ZNF501: variants seen among roughly 807,000 people sequenced by gnomAD.
The protein encoded by ZNF501 is zinc finger protein 52.
A neutral mutation model predicts 5.7 loss-of-function variants in ZNF501; 7 were observed. That is an observed-to-expected ratio of 1.24 (90% CI 0.70 to 2.32). The LOEUF (loss-of-function observed/expected upper bound fraction) is 2.32, where lower values mean the gene tolerates loss of function less well. Ranked by LOEUF, ZNF501 falls within the 30% of genes most tolerant of loss-of-function variation. The pLI is 0.00. For synonymous variants in ZNF501, 107 were observed against 101.9 expected (o/e 1.05, Z -0.30); for missense variants, 352 against 321.1 (o/e 1.10, Z -0.73).
chr3:44,732,840 T>C (rs978144011), intron 2 of ZNF501, among the ~76,000 whole-genome samples: 4 of 152,220 alleles, frequency 2.6e-5, no homozygotes, highest in African/African-American at 4.8e-5. Flanking sequence ...AATTTTCTTT[T>C]AGAGAAGGGG....
Position 44,734,888 on chromosome 3 carries a change from A to G in ZNF501, c.467A>G (p.His156Arg). Residue 156 changes from histidine to arginine, a missense_variant, in exon 3 of 3, where the codon CAT (histidine) becomes CGT (arginine). By Grantham distance (29) the His-to-Arg change is conservative (BLOSUM62 0). Coordinates refer to ENST00000620116, the MANE Select transcript of ZNF501 (RefSeq NM_001258280.2). ...TGCCTTACTCGTCATCAGAGAAGTC[A>G]TTCTGGAGATAAACCTTTTAAGTGT... is the stretch of plus-strand genomic sequence containing the variant. ...SICLTRHQRS[H>R]SGDKPFKCNE... 7.4e-6 allele frequency: 12 copies of G among 1,613,984 alleles called. No homozygotes were observed. In the South Asian group the frequency reaches 1.3e-4, roughly 18 times the overall value.
chr3:44,734,621 A>G lies in ZNF501; in HGVS notation c.200A>G (p.Gln67Arg). The G allele has an allele frequency of 6.2e-7, 1 of 1,614,194 alleles. No homozygotes were observed. The change falls in exon 3 of 3, where the codon CAA (glutamine) becomes CGA (arginine). Residue 67 changes from glutamine (Q) to arginine (R), a missense_variant. Coordinates refer to ENST00000620116, the MANE Select transcript of ZNF501 (RefSeq NM_001258280.2). Reference sequence around the variant, plus strand: ...TTCCGTAAACAGTCAAATCTTACTCAACATCTGAGAATTCATACCGGAGAG... The same window carrying G: ...TTCCGTAAACAGTCAAATCTTACTCGACATCTGAGAATTCATACCGGAGAG... ...SCFRKQSNLT[Q>R]HLRIHTGEKP... is the part of the protein sequence containing the mutation.
In ZNF501 at chr3:44,734,284, T is replaced by C; in HGVS notation, c.-138T>C. The C allele has an allele frequency of 1.4e-6, 1 of 694,768 alleles. No homozygotes were observed. Among genetic ancestry groups the C allele is most frequent in the Non-Finnish European group, 2.4e-6 (1 of 416,876 alleles). 43.0% of individuals were successfully genotyped at this position (694,768 alleles called of 1,614,324 possible). A position where few individuals can be genotyped will look rare whatever the true frequency, so the allele number is the denominator to read the frequency against. ...GGAAGGGGAATCCTGCAGGGATGAA[T>C]GAGAGGACAGCAATGCATGTGTGAT... On this transcript the variant is annotated 5_prime_UTR_variant, in exon 3 of 3. The change abolishes an upstream ATG in the 5' untranslated region. Coordinates refer to ENST00000620116, the MANE Select transcript of ZNF501 (RefSeq NM_001258280.2).
intron 2 of ZNF501, among the ~76,000 whole-genome samples, chr3:44,733,200 C>G (rs139082827): frequency 1.4e-3 from 210 of 152,202 alleles, no homozygotes; most frequent in African/African-American, 4.4e-3. Flanking sequence ...GATTAGAAAA[C>G]AGACAAAAAT....
chr3:44,731,360 C>T (rs1038613457), intron 1 of ZNF501, 116 bp from the exon 2 acceptor site: 1 of 152,204 alleles, frequency 6.6e-6, no homozygotes, highest in Non-Finnish European at 1.5e-5. Flanking sequence ...GATATTCTTT[C>T]ATTTGAACTT....
Position 44,735,106 on chromosome 3 carries a change from A to G in ZNF501, c.685A>G (p.Lys229Glu), listed in dbSNP as rs1371992556. 6.2e-6 allele frequency: 10 copies of G among 1,614,192 alleles called. No individual in the cohort carries two copies. Among genetic ancestry groups the G allele is most frequent in the Non-Finnish European group, 8.5e-6 (10 of 1,180,014 alleles). ...TAGTGAGTGTGAAAAAACTTTCCGCAAACAAGCACACCTTAGTGAGCATTA... is the reference window on the plus strand; with the variant it reads ...TAGTGAGTGTGAAAAAACTTTCCGCGAACAAGCACACCTTAGTGAGCATTA... ...KCSECEKTFR[K>E]QAHLSEHYRI... The change falls in exon 3 of 3, where the codon AAA becomes GAA. Residue 229 changes from lysine to glutamate, a missense_variant. By Grantham distance (56) the Lys-to-Glu change is moderately conservative. Transcript: ENST00000620116.
Position 44,734,564 on chromosome 3 carries a change from A to G in ZNF501, c.143A>G (p.Lys48Arg). 1 of 1,614,210 alleles carries G rather than the reference A, an allele frequency of 6.2e-7. No homozygotes were observed. Among genetic ancestry groups the G allele is most frequent in the South Asian group, 1.1e-5 (1 of 91,080 alleles). ...CACCAGAGGATTCACAGAGGAGAGA[A>G]GCCCTATGTGTGCAGTGAATGTGGA... ...TQHQRIHRGEKPYVCSECGSC... is the reference protein window; with the variant it reads ...TQHQRIHRGERPYVCSECGSC... Residue 48 changes from lysine (K) to arginine (R), a missense_variant, in exon 3 of 3, where the codon AAG becomes AGG. By Grantham distance (26) the Lys-to-Arg change is conservative (BLOSUM62 2). Coordinates refer to ENST00000620116, the MANE Select transcript of ZNF501 (RefSeq NM_001258280.2).
rs1411352255 is a variant in ZNF501 at position 44,736,020 on chromosome 3, G to C, written c.*783G>C. ...ACAGTAGAGAGGACTGGAATATAGA[G>C]GAGAATATAAGCATGTAGATGAGGA... On this transcript the variant is annotated 3_prime_UTR_variant, in exon 3 of 3. Coordinates refer to ENST00000620116, the MANE Select transcript of ZNF501 (RefSeq NM_001258280.2). The C allele has an allele frequency of 6.0e-6, 1 of 167,118 alleles. No individual in the cohort carries two copies. The highest frequency in any genetic ancestry group is 2.4e-5 in the African/African-American group (1 of 41,438). 10.4% of individuals were successfully genotyped at this position (167,118 alleles called of 1,614,324 possible).
In ZNF501 at chr3:44,734,271, C is replaced by T. The variant is rs369682874; in HGVS notation, c.-151C>T. 8 of 653,034 alleles carry T rather than the reference C, an allele frequency of 1.2e-5. No individual in the cohort carries two copies. The African/African-American group carries it at 1.3e-4, about 10-fold the overall frequency. The allele number at this position is 653,034 out of a possible 1,614,324, so 40.5% of individuals were successfully genotyped here. A position where few individuals can be genotyped will look rare whatever the true frequency, so the allele number is the denominator to read the frequency against. On this transcript the variant is annotated 5_prime_UTR_variant, in exon 3 of 3. Transcript: ENST00000620116. ...TGAACAAGGAAGAGGAAGGGGAATC[C>T]TGCAGGGATGAATGAGAGGACAGCA...
chr3:44,735,948 C>G lies in ZNF501; in HGVS notation c.*711C>G, dbSNP rs1287329227. 4.2e-5 allele frequency: 7 copies of G among 167,138 alleles called. No homozygotes were observed. Among genetic ancestry groups the G allele is most frequent in the Admixed American group, 6.5e-5 (1 of 15,296 alleles). The allele number at this position is 167,138 out of a possible 1,614,324, so 10.4% of individuals were successfully genotyped here. A position where few individuals can be genotyped will look rare whatever the true frequency, so the allele number is the denominator to read the frequency against. On this transcript the variant is annotated 3_prime_UTR_variant, in exon 3 of 3. Coordinates refer to ENST00000620116, the MANE Select transcript of ZNF501 (RefSeq NM_001258280.2). ...AATAAAACCTCATGTTGTGGGACTT[C>G]TGTGTGTGTTTAGGGTTGGCAGCAG...
rs1333555697 is a variant in ZNF501 at position 44,736,433 on chromosome 3, A to G, written c.*1196A>G. 2 of 167,094 alleles carry G rather than the reference A, an allele frequency of 1.2e-5. No homozygotes were observed. The allele number at this position is 167,094 out of a possible 1,614,324, so 10.4% of individuals were successfully genotyped here. On this transcript the variant is annotated 3_prime_UTR_variant, in exon 3 of 3. Coordinates refer to ENST00000620116, the MANE Select transcript of ZNF501 (RefSeq NM_001258280.2). The stretch of plus-strand genomic sequence containing the variant: ...TGCTCAAAGTCAAGCAGGTAATGTC[A>G]GAATTGAATCTCAAATCTATATCTT...
At chr3:44,730,938 A>C (rs1033969450) in intron 1 of ZNF501, among the ~76,000 whole-genome samples, 1 of 152,232 alleles carries the variant, frequency 6.6e-6, no homozygotes, top group Non-Finnish European at 1.5e-5. Context: ...TCCCATCTGT[A>C]TATAGAATCA....
chr3:44,734,820 A>G lies in ZNF501; in HGVS notation c.399A>G (p.Pro133=), dbSNP rs1456009831. Residue 133 remains proline, a synonymous_variant, in exon 3 of 3, where the codon CCA becomes CCG. Coordinates refer to ENST00000620116, the MANE Select transcript of ZNF501 (RefSeq NM_001258280.2). ...KHQRIHTGEK[P]YKCTECGKAF... ...AGCGAATTCATACTGGAGAGAAACCATATAAATGTACAGAATGTGGCAAAG... is the reference window on the plus strand; with the variant it reads ...AGCGAATTCATACTGGAGAGAAACCGTATAAATGTACAGAATGTGGCAAAG... 3.1e-6 allele frequency: 5 copies of G among 1,613,954 alleles called. No individual in the cohort carries two copies. In the Admixed American group the frequency reaches 6.7e-5, roughly 22 times the overall value.
intron 1 of ZNF501, among the ~76,000 whole-genome samples, chr3:44,731,015 C>G (rs60943891): frequency 6.6e-6 from 1 of 152,290 alleles, no homozygotes; most frequent in East Asian, 1.9e-4. Flanking sequence ...TTTCATTTAA[C>G]AAATAAGAAA....
chr3:44,735,177 G>A lies in ZNF501; in HGVS notation c.756G>A (p.Gly252=). 6.2e-7 allele frequency: 1 copy of A among 1,611,016 alleles called. No individual in the cohort carries two copies. The highest frequency in any genetic ancestry group is 8.5e-7 in the Non-Finnish European group (1 of 1,178,226). Residue 252 remains glycine, a synonymous_variant, in exon 3 of 3, where the codon GGG becomes GGA. Transcript: ENST00000620116. ...AACCTTATGAGTGTGTTGGATGTGG[G>A]AAATCCTTTAGGCACAGTTCAGCAC... The part of the protein sequence containing the change: ...GEKPYECVGC[G]KSFRHSSALL...
At chr3:44,732,151 T>C (rs907879452) in intron 2 of ZNF501, 1 of 152,204 alleles carries the variant, frequency 6.6e-6, no homozygotes, top group Non-Finnish European at 1.5e-5. Context: ...TCCTGAAGAA[T>C]TTGGATTAGT....
rs367780010 is a variant in ZNF501 at position 44,735,056 on chromosome 3, A to T, written c.635A>T (p.His212Leu). Residue 212 changes from histidine (H) to leucine (L), a missense_variant, in exon 3 of 3, where the codon CAC becomes CTC. Physicochemically the swap from His to Leu is moderately conservative, Grantham distance 99. Coordinates refer to ENST00000620116, the MANE Select transcript of ZNF501 (RefSeq NM_001258280.2). ...NSSLVEHERT[H>L]TGEKLYKCSE... is the part of the protein sequence containing the mutation. ...TCCCTTGTTGAACATGAAAGGACTC[A>T]CACTGGAGAGAAACTTTATAAGTGT... 1 of 1,614,196 alleles carries T rather than the reference A, an allele frequency of 6.2e-7. No homozygotes were observed. The highest frequency in any genetic ancestry group is 8.5e-7 in the Non-Finnish European group (1 of 1,180,024).
At chr3:44,730,421 A>C (rs1302002560) in intron 1 of ZNF501, among the ~76,000 whole-genome samples, 1 of 152,238 alleles carries the variant, frequency 6.6e-6, no homozygotes, top group African/African-American at 2.4e-5. Context: ...GGAAAAGTCA[A>C]AATTTTCCCA....
intron 1 of ZNF501, among the ~76,000 whole-genome samples, chr3:44,730,363 A>G (rs1704592803): frequency 6.6e-6 from 1 of 152,374 alleles, no homozygotes; most frequent in South Asian, 2.1e-4. Context: ...AAAGTCCTAC[A>G]GTAGAAACTT....
Sources: gnomAD v4.1 joint callset for allele counts (sites outside exome capture counted in the v4.1 genomes callset) on GRCh38, gnomAD v4.1.1 for gene constraint, MANE v1.5 for transcripts, NCBI Gene and HGNC (gene_info 2026-07-23, HGNC 2026-07-21) for gene names.